ANGPT1: variants seen among roughly 807,000 people sequenced by gnomAD.
ANGPT1 encodes angiopoietin-1.
ANGPT1 carries 17 observed loss-of-function variants against 62.2 expected under a neutral mutation model. The ratio of observed to expected loss-of-function variants is 0.27; its 90% CI spans 0.19 to 0.41. The LOEUF is 0.41. Ranked by LOEUF, ANGPT1 falls within the 10% of genes least tolerant of loss-of-function variation. ANGPT1 has a pLI of 1.00. For missense variants in ANGPT1, 478 were observed against 594.9 expected, an observed-to-expected ratio of 0.80 and a Z score of 2.04; for synonymous variants, 199 against 198.9, an observed-to-expected ratio of 1.00 and a Z score of 0.00.
chr8:107,321,690 G>T (rs1815153041), intron 4 of ANGPT1, among the ~76,000 whole-genome samples: 1 of 152,102 alleles, frequency 6.6e-6, no homozygotes, highest in Non-Finnish European at 1.5e-5. Context: ...AGACATTGTG[G>T]ATTCACAAAT....
intron 1 of ANGPT1, among the ~76,000 whole-genome samples, chr8:107,435,900 CTGAT>C (rs1411374336): frequency 2.6e-5 from 4 of 152,052 alleles, no homozygotes; most frequent in African/African-American, 4.8e-5. Flanking sequence ...TACAATTTTA[CTGAT>C]TGATTGATTG....
intron 1 of ANGPT1, among the ~76,000 whole-genome samples, chr8:107,373,971 G>C (rs1816471430): frequency 6.6e-6 from 1 of 152,220 alleles, no homozygotes; most frequent in African/African-American, 2.4e-5. Flanking sequence ...TCCAGTGAAA[G>C]TCAGCTGTTT....
chr8:107,404,269 A>G (rs146758415), intron 1 of ANGPT1, among the ~76,000 whole-genome samples: 1 of 152,234 alleles, frequency 6.6e-6, no homozygotes, highest in East Asian at 1.9e-4. Context: ...TTCTAATTCT[A>G]TGGTATACAT....
intron 1 of ANGPT1, among the ~76,000 whole-genome samples, chr8:107,383,531 T>C (rs531327287): frequency 8.5e-5 from 13 of 152,258 alleles, no homozygotes; most frequent in African/African-American, 3.1e-4. Flanking sequence ...CTGGTGGTTG[T>C]TGAGTGTGAA....
Position 107,322,101 on chromosome 8 carries a change from C to A in ANGPT1, c.603G>T (p.Met201Ile), listed in dbSNP as rs147296717. 2 of 1,612,642 alleles carry A rather than the reference C, an allele frequency of 1.2e-6. No individual in the cohort carries two copies. The highest frequency in any genetic ancestry group is 2.7e-5 in the African/African-American group (2 of 74,794). ...NSLLEHKILE[M>I]EGKHKEELDT... ...CCAACTCTTCCTTGTGTTTTCCTTC[C>A]ATTTCTAAGATTTTATGTTCTAATA... The change falls in exon 4 of 9, where the codon ATG (methionine) becomes ATT (isoleucine). Residue 201 changes from methionine (M) to isoleucine (I), a missense_variant. Met to Ile is a conservative substitution (Grantham distance 10). Around this residue, in one of 4 missense-constraint regions of ANGPT1, gnomAD observed 343 missense variants for 355.4 expected, o/e 0.97. Transcript: ENST00000517746.
chr8:107,468,196 T>C (rs1028822202), intron 1 of ANGPT1, among the ~76,000 whole-genome samples: 13 of 152,194 alleles, frequency 8.5e-5, no homozygotes, highest in African/African-American at 3.1e-4. Flanking sequence ...GAACAGAATC[T>C]ACAGAAATAA....
At chr8:107,408,370 A>G (rs1817192315) in intron 1 of ANGPT1, among the ~76,000 whole-genome samples, 1 of 152,200 alleles carries the variant, frequency 6.6e-6, no homozygotes, top group South Asian at 2.1e-4. Context: ...TTTGTAGAGG[A>G]AAATTTTATA....
At chr8:107,254,379 A>G (rs147963657) in intron 8 of ANGPT1, among the ~76,000 whole-genome samples, 1,618 of 152,178 alleles carry the variant, frequency 0.011, 18 homozygotes, top group Middle Eastern at 0.02. Flanking sequence ...AAACAGATGA[A>G]TATATGTAAG....
At chr8:107,446,823 A>C (rs1331207462) in intron 1 of ANGPT1, among the ~76,000 whole-genome samples, 1 of 152,196 alleles carries the variant, frequency 6.6e-6, no homozygotes, top group Non-Finnish European at 1.5e-5. Context: ...TCTTGAACCC[A>C]CATCTCTCTC....
chr8:107,341,072 A>G (rs777509510), intron 2 of ANGPT1, among the ~76,000 whole-genome samples: 27 of 152,194 alleles, frequency 1.8e-4, no homozygotes, highest in Non-Finnish European at 2.8e-4. Context: ...TTCCTAGGGA[A>G]AAATGAACTA....
chr8:107,372,697 G>A (rs1041806371), intron 1 of ANGPT1, among the ~76,000 whole-genome samples: 9 of 151,862 alleles, frequency 5.9e-5, no homozygotes, highest in Non-Finnish European at 7.4e-5. Flanking sequence ...ACACAGTAAC[G>A]ATTAGAATGC....
chr8:107,336,757 G>C lies in ANGPT1; in HGVS notation c.454-486C>G, dbSNP rs115732005. 6.2e-3 allele frequency among the ~76,000 whole-genome samples: 938 copies of C among 150,490 alleles called. 15 individuals carry two copies. Among genetic ancestry groups the C allele is most frequent in the African/African-American group, 0.022 (885 of 41,102 alleles). On this transcript the variant is annotated intron_variant, in intron 2 of 8. Transcript: ENST00000517746. Reference sequence around the variant, plus strand: ...CCTTTCAGATATTATTTTGGTTTGAGATTGAAATTGCAATTGAACAAACAT... The same window carrying C: ...CCTTTCAGATATTATTTTGGTTTGACATTGAAATTGCAATTGAACAAACAT...
At chr8:107,434,981 A>C (rs964590496) in intron 1 of ANGPT1, among the ~76,000 whole-genome samples, 13 of 152,140 alleles carry the variant, frequency 8.5e-5, no homozygotes, top group Non-Finnish European at 8.8e-5. Flanking sequence ...CCCTTTAGTG[A>C]TTCTCTAATC....
At chr8:107,383,848 C>A (rs886170040) in intron 1 of ANGPT1, among the ~76,000 whole-genome samples, 1 of 152,108 alleles carries the variant, frequency 6.6e-6, no homozygotes, top group Admixed American at 6.6e-5. Context: ...TTTTCAGGAG[C>A]TGATAGAGAT....
chr8:107,435,080 T>C (rs1460473541), intron 1 of ANGPT1, among the ~76,000 whole-genome samples: 3 of 152,156 alleles, frequency 2.0e-5, no homozygotes, highest in African/African-American at 7.2e-5. Context: ...ATTAAAATAA[T>C]ATTTTCATAG....
chr8:107,287,537 T>G (rs1035325300), intron 6 of ANGPT1, among the ~76,000 whole-genome samples: 1 of 152,132 alleles, frequency 6.6e-6, no homozygotes. Flanking sequence ...GGCTGCAATA[T>G]AGGGAGGAAA....
At chr8:107,442,166 A>G (rs1811497726) in intron 1 of ANGPT1, among the ~76,000 whole-genome samples, 1 of 152,204 alleles carries the variant, frequency 6.6e-6, no homozygotes, top group African/African-American at 2.4e-5. Context: ...TTGAACGTGT[A>G]TTTAAACATT....
chr8:107,422,785 A>C (rs1170951807), intron 1 of ANGPT1, among the ~76,000 whole-genome samples: 1 of 152,190 alleles, frequency 6.6e-6, no homozygotes, highest in Non-Finnish European at 1.5e-5. Flanking sequence ...AACTGCCCAA[A>C]TTAGTGTTTA....
chr8:107,465,722 T>C (rs1812181356), intron 1 of ANGPT1, among the ~76,000 whole-genome samples: 1 of 152,126 alleles, frequency 6.6e-6, no homozygotes, highest in African/African-American at 2.4e-5. Flanking sequence ...GGAAGAATAA[T>C]CCAGATAACC....
Sources: gnomAD v4.1 joint callset for allele counts (sites outside exome capture counted in the v4.1 genomes callset) on GRCh38, gnomAD v4.1.1 for gene constraint, gnomAD v4.1.1 regional missense constraint, MANE v1.5 for transcripts, NCBI Gene and HGNC (gene_info 2026-07-23, HGNC 2026-07-21) for gene names.